Variants in APPBP2 observed in about 807,000 individuals in gnomAD.
APPBP2 encodes the protein amyloid beta precursor protein binding protein 2, also known as amyloid protein-binding protein 2.
In APPBP2, 15 loss-of-function variants were observed where a neutral mutation model predicts 76.0. The ratio of observed to expected loss-of-function variants is 0.20; its 90% confidence interval spans 0.13 to 0.30. The LOEUF is 0.30. Ranked by LOEUF, APPBP2 falls within the 10% of genes least tolerant of loss-of-function variation. The pLI is 1.00. For missense variants in APPBP2, 401 were observed against 687.2 expected, an observed-to-expected ratio of 0.58 and a Z score of 4.66; for synonymous variants, 222 against 242.2, an observed-to-expected ratio of 0.92 and a Z score of 0.77.
At chr17:60,488,076 C>A (rs1395225509) in intron 3 of APPBP2, among the ~76,000 whole-genome samples, 1 of 152,218 alleles carries the variant, frequency 6.6e-6, no homozygotes, top group Admixed American at 6.5e-5. Context: ...CTGCCTGATC[C>A]TTCCTCTGGA....
At chr17:60,469,810 T>C (rs550483097) in intron 4 of APPBP2, among the ~76,000 whole-genome samples, 3 of 152,352 alleles carry the variant, frequency 2.0e-5, no homozygotes, top group East Asian at 1.9e-4. Flanking sequence ...TTTTATCTTT[T>C]GACTTGTGAA....
chr17:60,502,130 T>C (rs2090828134), intron 1 of APPBP2, among the ~76,000 whole-genome samples: 2 of 152,242 alleles, frequency 1.3e-5, no homozygotes, highest in African/African-American at 4.8e-5. Flanking sequence ...TATAGCTCAA[T>C]GCAGCACTGC....
intron 10 of APPBP2, among the ~76,000 whole-genome samples, chr17:60,454,863 C>A (rs960221970): frequency 6.6e-6 from 1 of 152,152 alleles, no homozygotes; most frequent in Non-Finnish European, 1.5e-5. Context: ...CTAAGCACTT[C>A]TGAAAATTTT....
chr17:60,479,319 G>T (rs776802282), intron 3 of APPBP2, 48 bp from the exon 4 acceptor site: 4 of 1,555,028 alleles, frequency 2.6e-6, no homozygotes, highest in Non-Finnish European at 2.6e-6. Flanking sequence ...TAAATAGCCT[G>T]CAAGATAAAA....
chr17:60,455,652 T>C (rs1029333518), intron 10 of APPBP2, among the ~76,000 whole-genome samples: 1 of 152,252 alleles, frequency 6.6e-6, no homozygotes, highest in Non-Finnish European at 1.5e-5. Context: ...GCTGAAGTTA[T>C]GAAACCCATC....
intron 12 of APPBP2, among the ~76,000 whole-genome samples, chr17:60,450,541 G>A (rs2143283992): frequency 6.6e-6 from 1 of 152,030 alleles, no homozygotes; most frequent in Non-Finnish European, 1.5e-5. Flanking sequence ...GGCTGAGGTA[G>A]GAGGATTACT....
intron 3 of APPBP2, among the ~76,000 whole-genome samples, chr17:60,493,584 T>C (rs1364757709): frequency 1.3e-5 from 2 of 151,884 alleles, no homozygotes; most frequent in Admixed American, 6.6e-5. Flanking sequence ...TCCTGCCACC[T>C]CAGCCTTCTA....
intron 1 of APPBP2, among the ~76,000 whole-genome samples, chr17:60,523,679 TA>T (rs2091028152): frequency 6.6e-6 from 1 of 152,144 alleles, no homozygotes; most frequent in South Asian, 2.1e-4. Context: ...TTTTAAATTT[TA>T]ATAAAAAGAA....
intron 2 of APPBP2, among the ~76,000 whole-genome samples, chr17:60,499,221 C>T (rs1277825977): frequency 1.3e-5 from 2 of 151,524 alleles, no homozygotes; most frequent in East Asian, 3.9e-4. Flanking sequence ...GTCCCAGCTA[C>T]TCAGGAGGCT....
chr17:60,453,082 A>G (rs2143291332), intron 11 of APPBP2, among the ~76,000 whole-genome samples: 1 of 152,356 alleles, frequency 6.6e-6, no homozygotes, highest in East Asian at 1.9e-4. Flanking sequence ...CTTAGTATAT[A>G]CTAAGAATTA....
chr17:60,449,635 T>C (rs991200665), intron 12 of APPBP2, among the ~76,000 whole-genome samples: 1 of 151,702 alleles, frequency 6.6e-6, no homozygotes, highest in African/African-American at 2.4e-5. Context: ...TTTGAAGAAA[T>C]GGTCTTGGCT....
chr17:60,504,682 G>A (rs903502291), intron 1 of APPBP2, among the ~76,000 whole-genome samples: 13 of 152,104 alleles, frequency 8.5e-5, no homozygotes, highest in Admixed American at 3.9e-4. Flanking sequence ...GCATGGCTGC[G>A]TGTCCCAGGT....
intron 4 of APPBP2, among the ~76,000 whole-genome samples, chr17:60,470,793 A>AT (rs375651282): frequency 0.035 from 4,120 of 117,290 alleles, 93 homozygotes; most frequent in Middle Eastern, 0.058. Flanking sequence ...GCCAGACTGG[A>AT]TTTTTTTTTT....
At chr17:60,475,648 T>C (rs868237931) in intron 4 of APPBP2, among the ~76,000 whole-genome samples, 4 of 129,192 alleles carry the variant, frequency 3.1e-5, no homozygotes, top group Admixed American at 1.6e-4. Context: ...CAACTCTTTA[T>C]ACACACACAC....
chr17:60,510,418 A>G (rs997645247), intron 1 of APPBP2, among the ~76,000 whole-genome samples: 1 of 151,918 alleles, frequency 6.6e-6, no homozygotes, highest in Admixed American at 6.6e-5. Context: ...AAATAATTTT[A>G]AAAAGTAAAA....
At chr17:60,502,700 T>A (rs907845003) in intron 1 of APPBP2, among the ~76,000 whole-genome samples, 1 of 145,642 alleles carries the variant, frequency 6.9e-6, no homozygotes, top group African/African-American at 2.8e-5. Context: ...ACTAAAAATA[T>A]AAAAATTAAA....
At chr17:60,510,759 T>TA (rs2081538912) in intron 1 of APPBP2, among the ~76,000 whole-genome samples, 2 of 152,220 alleles carry the variant, frequency 1.3e-5, no homozygotes, top group South Asian at 4.1e-4. Flanking sequence ...AAAAACATTA[T>TA]ATTAGAATAT....
At chr17:60,460,562 C>G in intron 9 of APPBP2, 101 bp downstream of exon 9, 12 of 1,187,416 alleles carry the variant, frequency 1.0e-5, no homozygotes, top group Non-Finnish European at 1.4e-5. Flanking sequence ...TAAAGTATAT[C>G]AAGTACTATT....
chr17:60,491,381 A>C (rs2090727748), intron 3 of APPBP2, among the ~76,000 whole-genome samples: 1 of 152,128 alleles, frequency 6.6e-6, no homozygotes, highest in South Asian at 2.1e-4. Context: ...TTAAGAGGTG[A>C]CTGGAGTGCT....
Sources: allele counts gnomAD v4.1 joint callset (sites outside exome capture counted in the v4.1 genomes callset), GRCh38; gene constraint gnomAD v4.1.1; transcripts MANE v1.5; gene names NCBI Gene and HGNC (gene_info 2026-07-23, HGNC 2026-07-21).